The following BBIP1 variants were observed in gnomAD, a reference collection of about 807,000 sequenced individuals.
BBIP1 encodes BBSome-interacting protein 1.
In BBIP1, 6 loss-of-function variants were observed where a neutral mutation model predicts 8.9. The observed-to-expected ratio is 0.67, with a 90% CI of 0.37 to 1.33. BBIP1 has a LOEUF of 1.33. Among genes scored for constraint, BBIP1 ranks in the 40% most tolerant of loss-of-function variants. BBIP1 has a pLI of 0.02. For missense variants in BBIP1, 111 were observed against 109.2 expected, an observed-to-expected ratio of 1.02 and a Z score of -0.07; for synonymous variants, 32 against 33.4, an observed-to-expected ratio of 0.96 and a Z score of 0.14.
At chr10:110,901,803 C>T (rs1023792378) in intron 2 of BBIP1, 191 bp from the exon 3 acceptor site, 83 of 565,624 alleles carry the variant, frequency 1.5e-4, no homozygotes, top group Non-Finnish European at 2.4e-4. Flanking sequence ...TTGTCAACTT[C>T]CATTAGTCAG....
At position 110,898,921 on chromosome 10, in the gene BBIP1, T is replaced by TG. The variant is rs1845899208; in HGVS notation, c.*1438dup. On this transcript the variant is annotated 3_prime_UTR_variant, in exon 4 of 4. Coordinates refer to ENST00000448814, the MANE Select transcript of BBIP1 (RefSeq NM_001195305.3). ...ATACAATAGTAAATTAAGATTACAC[T>TG]GGGGAAAAAAATGCAGGTATCACTT... is the stretch of plus-strand genomic sequence containing the variant. 6.6e-6 allele frequency: 1 copy of TG among 152,214 alleles called. No homozygotes were observed. The highest frequency in any genetic ancestry group is 1.5e-5 in the Non-Finnish European group (1 of 68,008). 9.4% of individuals were successfully genotyped at this position (152,214 alleles called of 1,614,324 possible).
At chr10:110,907,796 A>G (rs1412106782) in intron 2 of BBIP1, 7 of 701,362 alleles carry the variant, frequency 1.0e-5, no homozygotes, top group Non-Finnish European at 1.8e-5. Flanking sequence ...ATGTTAATGG[A>G]CTTTCTGATA....
intron 1 of BBIP1, 100 bp downstream of exon 1, chr10:110,919,021 A>G (rs1846532097): frequency 6.6e-6 from 1 of 152,262 alleles, no homozygotes. Flanking sequence ...CGTCTCAGTA[A>G]AATAAGGGCC....
chr10:110,900,524 G>C lies in BBIP1; in HGVS notation c.115C>G (p.Pro39Ala), dbSNP rs1392154320. ...MFREVLPKQG[P>A]LFVEDIMTMV... The stretch of plus-strand genomic sequence containing the variant: ...GTCATTATATCTTCCACAAACAGTG[G>C]CCCTAAGTTTAACAAGAAATAAGAA... Residue 39 changes from proline (P) to alanine (A), a missense_variant and splice_region_variant, in exon 4 of 4, where the codon CCA becomes GCA. Coordinates refer to ENST00000448814, the MANE Select transcript of BBIP1 (RefSeq NM_001195305.3). 6.6e-7 allele frequency: 1 copy of C among 1,513,216 alleles called. No individual in the cohort carries two copies. The highest frequency in any genetic ancestry group is 8.8e-7 in the Non-Finnish European group (1 of 1,137,846). 93.7% of individuals were successfully genotyped at this position (1,513,216 alleles called of 1,614,324 possible).
chr10:110,898,865 C>CTT lies in BBIP1; in HGVS notation c.*1493_*1494dup, dbSNP rs949933576. 2.6e-5 allele frequency: 4 copies of CTT among 152,452 alleles called. No individual in the cohort carries two copies. The highest frequency in any genetic ancestry group is 2.6e-4 in the Admixed American group (4 of 15,274). 9.4% of individuals were successfully genotyped at this position (152,452 alleles called of 1,614,324 possible). Reference sequence around the variant, plus strand: ...TTTAATCTTAGTGTTCCCTTGAAAACTTTTTTTCCCTACAAAATTTTAAGT... The same window carrying CTT: ...TTTAATCTTAGTGTTCCCTTGAAAACTTTTTTTTTCCCTACAAAATTTTAAGT... On this transcript the variant is annotated 3_prime_UTR_variant, in exon 4 of 4. Transcript: ENST00000448814.
At chr10:110,903,845 C>T (rs551138025) in intron 2 of BBIP1, 16 of 152,258 alleles carry the variant, frequency 1.1e-4, no homozygotes, top group African/African-American at 3.6e-4. Flanking sequence ...ATACAGTAGA[C>T]AACTGTAACA....
In BBIP1 at chr10:110,919,136, C is replaced by T. The variant is rs1018065474; in HGVS notation, c.-72G>A. 1 of 155,206 alleles carries T rather than the reference C, an allele frequency of 6.4e-6. No homozygotes were observed. The highest frequency in any genetic ancestry group is 1.4e-5 in the Non-Finnish European group (1 of 70,174). 9.6% of individuals were successfully genotyped at this position (155,206 alleles called of 1,614,324 possible). A position where few individuals can be genotyped will look rare whatever the true frequency, so the allele number is the denominator to read the frequency against. Reference sequence around the variant, plus strand: ...GCTTACTTACAGATGCATCCCTTCCCAGACGGCTCAGCTGTTGCCCCGGGT... The same window carrying T: ...GCTTACTTACAGATGCATCCCTTCCTAGACGGCTCAGCTGTTGCCCCGGGT... On this transcript the variant is annotated 5_prime_UTR_variant, in exon 1 of 4. Transcript: ENST00000448814.
At chr10:110,902,504 A>G (rs752349588) in intron 2 of BBIP1, 2 of 152,172 alleles carry the variant, frequency 1.3e-5, no homozygotes, top group Non-Finnish European at 2.9e-5. Context: ...CAGATTTATT[A>G]TTTATAAAGT....
chr10:110,918,354 C>T, intron 1 of BBIP1, 141 bp from the exon 2 acceptor site: 1 of 557,206 alleles, frequency 1.8e-6, no homozygotes, highest in Admixed American at 3.3e-5. Flanking sequence ...CTTACAAAGA[C>T]TCAAAGGAGA....
intron 2 of BBIP1, among the ~76,000 whole-genome samples, chr10:110,914,939 T>C (rs1846363931): frequency 6.6e-6 from 1 of 152,194 alleles, no homozygotes; most frequent in Non-Finnish European, 1.5e-5. Context: ...AAATGTTAGC[T>C]ATTAACCTTT....
chr10:110,901,535 T>G lies in BBIP1; in HGVS notation c.112+3A>C. ...ATGACCTCAATATTTGTGATGTACA[T>G]ACCTTGCTTTGGAAGAACTTCCCGG... On this transcript the variant is annotated splice_donor_region_variant and intron_variant, in intron 3 of 3. Coordinates refer to ENST00000448814, the MANE Select transcript of BBIP1 (RefSeq NM_001195305.3). 1 of 1,527,720 alleles carries G rather than the reference T, an allele frequency of 6.5e-7. No individual in the cohort carries two copies. Among genetic ancestry groups the G allele is most frequent in the Non-Finnish European group, 8.8e-7 (1 of 1,139,212 alleles). The allele number at this position is 1,527,720 out of a possible 1,614,324, so 94.6% of individuals were successfully genotyped here.
intron 2 of BBIP1, among the ~76,000 whole-genome samples, chr10:110,909,430 G>A (rs1455705112): frequency 6.6e-6 from 1 of 152,090 alleles, no homozygotes; most frequent in Admixed American, 6.5e-5. Flanking sequence ...TCCTGACCTC[G>A]TGATCCACCC....
chr10:110,907,190 G>A (rs1448565517), intron 2 of BBIP1: 1 of 152,366 alleles, frequency 6.6e-6, no homozygotes, highest in Non-Finnish European at 1.5e-5. Flanking sequence ...TACCAGGCTA[G>A]AGAGATGCCT....
chr10:110,919,306 C>T (rs1340867812), upstream of BBIP1: 1 of 341,190 alleles, frequency 2.9e-6, no homozygotes, highest in Admixed American at 4.8e-5. Flanking sequence ...CTGCTGGAGG[C>T]TTACTCTGTA....
At chr10:110,912,823 C>A (rs1487099437) in intron 2 of BBIP1, among the ~76,000 whole-genome samples, 4 of 152,162 alleles carry the variant, frequency 2.6e-5, no homozygotes, top group South Asian at 2.1e-4. Flanking sequence ...CTACTCCTAA[C>A]CTGTCACTAC....
intron 3 of BBIP1, 80 bp downstream of exon 3, chr10:110,901,458 T>C (rs1846000163): frequency 1.0e-6 from 1 of 965,746 alleles, no homozygotes; most frequent in South Asian, 1.4e-5. Context: ...TGTTTAGCTA[T>C]TAAGCCTGCT....
At chr10:110,912,548 GAGA>G (rs199573284) in intron 2 of BBIP1, among the ~76,000 whole-genome samples, 1,588 of 152,286 alleles carry the variant, frequency 0.01, 25 homozygotes, top group African/African-American at 0.036. Flanking sequence ...TGGACAGACA[GAGA>G]AGGAGACTAA....
At chr10:110,918,047 C>A in intron 2 of BBIP1, 74 bp downstream of exon 2, 1 of 1,325,272 alleles carries the variant, frequency 7.5e-7, no homozygotes, top group Non-Finnish European at 1.0e-6. Context: ...ACTAAGGAAG[C>A]AGAAATTAAG....
At chr10:110,907,810 T>C in intron 2 of BBIP1, 1 of 699,188 alleles carries the variant, frequency 1.4e-6, no homozygotes, top group Non-Finnish European at 2.6e-6. Flanking sequence ...TCTGATAAGA[T>C]TCCATAGTTA....
Sources: gnomAD v4.1 joint callset for allele counts (sites outside exome capture counted in the v4.1 genomes callset) on GRCh38, gnomAD v4.1.1 for gene constraint, MANE v1.5 for transcripts, NCBI Gene and HGNC (gene_info 2026-07-23, HGNC 2026-07-21) for gene names.